GALNTL6: variants seen among roughly 807,000 people sequenced by gnomAD.
The protein encoded by GALNTL6 is polypeptide N-acetylgalactosaminyltransferase-like 6.
A neutral mutation model predicts 73.7 loss-of-function variants in GALNTL6; 46 were observed. That is an observed-to-expected ratio of 0.62 (90% CI 0.49 to 0.80). The LOEUF is 0.80. GALNTL6 is among the 30% of genes least tolerant of loss of function. The pLI is 0.00. For synonymous variants in GALNTL6, 259 were observed against 263.7 expected, an observed-to-expected ratio of 0.98 and a Z score of 0.17; for missense variants, 604 against 755.0, an observed-to-expected ratio of 0.80 and a Z score of 2.34.
intron 2 of GALNTL6, among the ~76,000 whole-genome samples, chr4:171,948,770 T>C (rs1213523324): frequency 1.3e-5 from 2 of 152,146 alleles, no homozygotes; most frequent in Non-Finnish European, 1.5e-5. Flanking sequence ...TTCCCTTTGG[T>C]TGTTTTTGCA....
chr4:172,923,037 G>A, intron 8 of GALNTL6, among the ~76,000 whole-genome samples: 1 of 152,202 alleles, frequency 6.6e-6, no homozygotes, highest in South Asian at 2.1e-4. Context: ...AAACACCTAT[G>A]CAGGAAGGAC....
At position 172,847,963 on chromosome 4, in the gene GALNTL6, T is replaced by A. The variant is rs141499222; in HGVS notation, c.923+34240T>A. ...CAGTCTGAGAGACCCTCTATCTACATACACCTCACCCTCCCCATAGGCAAT... is the reference window on the plus strand; with the variant it reads ...CAGTCTGAGAGACCCTCTATCTACAAACACCTCACCCTCCCCATAGGCAAT... On this transcript the variant is annotated intron_variant, in intron 7 of 12. Coordinates refer to ENST00000506823, the MANE Select transcript of GALNTL6 (RefSeq NM_001034845.3). 4.4e-3 allele frequency among the ~76,000 whole-genome samples: 667 copies of A among 152,280 alleles called. 5 individuals carry two copies. The highest frequency in any genetic ancestry group is 0.015 in the African/African-American group (627 of 41,544).
intron 2 of GALNTL6, among the ~76,000 whole-genome samples, chr4:171,981,121 GT>G (rs1739885493): frequency 6.6e-6 from 1 of 152,174 alleles, no homozygotes; most frequent in African/African-American, 2.4e-5. Flanking sequence ...TGCACCCAAG[GT>G]AATCAGGGTA....
chr4:172,154,444 T>C (rs962245186), intron 2 of GALNTL6, among the ~76,000 whole-genome samples: 8 of 152,060 alleles, frequency 5.3e-5, no homozygotes, highest in African/African-American at 1.9e-4. Context: ...GTTGGTCAGA[T>C]TGGTCTCAAA....
chr4:172,518,302 A>G (rs1412181843), intron 5 of GALNTL6, among the ~76,000 whole-genome samples: 1 of 151,988 alleles, frequency 6.6e-6, no homozygotes, highest in Non-Finnish European at 1.5e-5. Context: ...AAGAAGTTGA[A>G]GGAAAAGATT....
At chr4:172,869,321 A>T (rs575756923) in intron 7 of GALNTL6, among the ~76,000 whole-genome samples, 6 of 152,360 alleles carry the variant, frequency 3.9e-5, no homozygotes, top group African/African-American at 1.4e-4. Context: ...AAGGAAACTG[A>T]TATAGGTGGA....
chr4:172,695,588 C>T (rs963711102), intron 5 of GALNTL6, among the ~76,000 whole-genome samples: 3 of 152,148 alleles, frequency 2.0e-5, no homozygotes, highest in African/African-American at 7.2e-5. Flanking sequence ...TCTCTCATTT[C>T]ATGTTTCTTA....
intron 5 of GALNTL6, among the ~76,000 whole-genome samples, chr4:172,734,404 G>A (rs139332288): frequency 1.6e-4 from 24 of 152,252 alleles, no homozygotes; most frequent in African/African-American, 5.3e-4. Flanking sequence ...TGCAGCCCCA[G>A]GCCCAGTGGC....
At chr4:172,539,448 G>A (rs1735469603) in intron 5 of GALNTL6, among the ~76,000 whole-genome samples, 1 of 151,808 alleles carries the variant, frequency 6.6e-6, no homozygotes, top group Admixed American at 6.6e-5. Flanking sequence ...GCCAATCTTG[G>A]AAAGACCTTT....
intron 5 of GALNTL6, among the ~76,000 whole-genome samples, chr4:172,520,364 T>A (rs1734736954): frequency 6.6e-6 from 1 of 151,992 alleles, no homozygotes; most frequent in South Asian, 2.1e-4. Flanking sequence ...TATACACAGT[T>A]CTCACTAGAC....
At chr4:172,160,392 C>CA (rs1734419642) in intron 2 of GALNTL6, among the ~76,000 whole-genome samples, 1 of 151,586 alleles carries the variant, frequency 6.6e-6, no homozygotes, top group Non-Finnish European at 1.5e-5. Flanking sequence ...GGCCCAGGAG[C>CA]ATAAACAGGC....
At chr4:172,642,386 A>G (rs769519472) in intron 5 of GALNTL6, among the ~76,000 whole-genome samples, 8 of 152,052 alleles carry the variant, frequency 5.3e-5, no homozygotes, top group African/African-American at 9.7e-5. Context: ...TACACAATTG[A>G]GTATGATTCA....
intron 5 of GALNTL6, among the ~76,000 whole-genome samples, chr4:172,585,973 C>G (rs1225354395): frequency 6.6e-6 from 1 of 152,168 alleles, no homozygotes; most frequent in East Asian, 1.9e-4. Context: ...CCATCTCACT[C>G]CAGTCAGAAT....
chr4:171,864,054 A>T (rs6854289), intron 2 of GALNTL6, among the ~76,000 whole-genome samples: 2 of 152,040 alleles, frequency 1.3e-5, no homozygotes, highest in Non-Finnish European at 2.9e-5. Context: ...GAGCCATGGC[A>T]CCCAGAAGGA....
At chr4:172,766,781 C>G (rs1738429452) in intron 5 of GALNTL6, among the ~76,000 whole-genome samples, 1 of 152,196 alleles carries the variant, frequency 6.6e-6, no homozygotes, top group Non-Finnish European at 1.5e-5. Flanking sequence ...GATCAGGTTA[C>G]AGCTCACAGA....
intron 10 of GALNTL6, among the ~76,000 whole-genome samples, chr4:172,952,950 T>C (rs979379619): frequency 3.9e-5 from 6 of 152,238 alleles, no homozygotes; most frequent in African/African-American, 1.4e-4. Context: ...ATAAAAACCC[T>C]CTGTCCTGGT....
At chr4:171,880,204 T>C (rs185102838) in intron 2 of GALNTL6, among the ~76,000 whole-genome samples, 5 of 152,314 alleles carry the variant, frequency 3.3e-5, no homozygotes, top group Admixed American at 2.0e-4. Context: ...CTGAACCTCC[T>C]CTTGTTCAGC....
chr4:172,421,160 A>T (rs1383205487), intron 5 of GALNTL6, among the ~76,000 whole-genome samples: 2 of 152,142 alleles, frequency 1.3e-5, no homozygotes, highest in African/African-American at 4.8e-5. Flanking sequence ...AACTTAAAGT[A>T]AAATAAAATA....
chr4:172,087,600 T>C (rs942576215), intron 2 of GALNTL6, among the ~76,000 whole-genome samples: 3 of 152,096 alleles, frequency 2.0e-5, no homozygotes, highest in African/African-American at 7.2e-5. Flanking sequence ...TATGTCACCA[T>C]TATGAGGAAA....
Sources: gnomAD v4.1 joint callset for allele counts (sites outside exome capture counted in the v4.1 genomes callset) on GRCh38, gnomAD v4.1.1 for gene constraint, MANE v1.5 for transcripts, NCBI Gene and HGNC (gene_info 2026-07-23, HGNC 2026-07-21) for gene names.